PSMA2: variants seen among roughly 807,000 people sequenced by gnomAD.
PSMA2 encodes proteasome subunit alpha type-2.
In PSMA2, 2 loss-of-function variants were observed where a neutral mutation model predicts 35.9. The observed-to-expected ratio is 0.06, with a 90% confidence interval of 0.02 to 0.18. PSMA2 has a LOEUF of 0.18. Ranked by LOEUF, PSMA2 falls within the 10% of genes least tolerant of loss-of-function variation. The pLI is 1.00. For synonymous variants in PSMA2, 97 were observed against 98.2 expected (o/e 0.99, Z 0.07); for missense variants, 126 against 278.8 (o/e 0.45, Z 3.90).
At position 42,926,731 on chromosome 7, in the gene PSMA2, T is replaced by G. The variant is rs373431469; in HGVS notation, c.119-63A>C. On this transcript the variant is annotated intron_variant, in intron 2 of 7. Coordinates refer to ENST00000223321, the MANE Select transcript of PSMA2 (RefSeq NM_002787.5). ...TTTTAAGACTGTTTTAACAGCTTTC[T>G]AATTATGGATGCGCTAAACGCAAAC... The G allele has an allele frequency of 1.9e-4, 285 of 1,478,242 alleles. No individual in the cohort carries two copies. The African/African-American group carries it at 3.6e-3, about 19-fold the overall frequency. The allele number at this position is 1,478,242 out of a possible 1,614,324, so 91.6% of individuals were successfully genotyped here.
At position 42,923,412 on chromosome 7, in the gene PSMA2, G is replaced by T; in HGVS notation, c.375-6C>A. 1 of 1,608,806 alleles carries T rather than the reference G, an allele frequency of 6.2e-7. No individual in the cohort carries two copies. The stretch of plus-strand genomic sequence containing the variant: ...CTCCAAATGGACGAACACCACTGCA[G>T]GGAGGAAAATGAAAATTACTTGGCA... On this transcript the variant is annotated splice_polypyrimidine_tract_variant and splice_region_variant and intron_variant, in intron 4 of 7. Coordinates refer to ENST00000223321, the MANE Select transcript of PSMA2 (RefSeq NM_002787.5).
At chr7:42,929,111 T>C (rs980329924) in intron 1 of PSMA2, among the ~76,000 whole-genome samples, 1 of 152,168 alleles carries the variant, frequency 6.6e-6, no homozygotes, top group African/African-American at 2.4e-5. Context: ...ATAAAGTAGC[T>C]ATGTTCAGTC....
Position 42,924,417 on chromosome 7 carries a change from G to C in PSMA2, c.374+258C>G, listed in dbSNP as rs182237306. ...GTTGCAATGATTGTCTGTCCATAAA[G>C]TGTTTTAATCACTGGCAAAAGAACT... On this transcript the variant is annotated intron_variant, in intron 4 of 7. Coordinates refer to ENST00000223321, the MANE Select transcript of PSMA2 (RefSeq NM_002787.5). Among the ~76,000 whole-genome samples, 557 of 145,996 alleles carry C rather than the reference G, an allele frequency of 3.8e-3. 7 individuals are homozygous for C. Among genetic ancestry groups the C allele is most frequent in the Non-Finnish European group, 6.5e-3 (431 of 66,628 alleles).
intron 2 of PSMA2, 49 bp downstream of exon 2, chr7:42,927,334 T>C: frequency 6.7e-7 from 1 of 1,487,500 alleles, no homozygotes; most frequent in Non-Finnish European, 9.4e-7. Flanking sequence ...TCCAAAATAA[T>C]TAGGATAACT....
At chr7:42,919,653 C>T in intron 6 of PSMA2, 1 of 569,516 alleles carries the variant, frequency 1.8e-6, no homozygotes, top group South Asian at 1.6e-5. Flanking sequence ...TAACTTATGG[C>T]TGATCCAGTG....
At chr7:42,919,219 C>T (rs537511803) in intron 6 of PSMA2, 57 of 611,406 alleles carry the variant, frequency 9.3e-5, no homozygotes, top group African/African-American at 9.3e-4. Context: ...AATTTTGGGT[C>T]ATAAAGATGC....
At chr7:42,922,572 T>C (rs1262503924) in intron 5 of PSMA2, among the ~76,000 whole-genome samples, 2 of 152,208 alleles carry the variant, frequency 1.3e-5, no homozygotes, top group Non-Finnish European at 1.5e-5. Context: ...GCCTGTCATT[T>C]AGCTTTGGAA....
chr7:42,924,806 G>GA lies in PSMA2; in HGVS notation c.252-10dup. Reference sequence around the variant, plus strand: ...CTCTGTGCACAAGCACTCTAACAAGGAAAAAATAAGATTTAATTACACAGA... The same window carrying GA: ...CTCTGTGCACAAGCACTCTAACAAGGAAAAAAATAAGATTTAATTACACAGA... On this transcript the variant is annotated splice_polypyrimidine_tract_variant and intron_variant, in intron 3 of 7. Coordinates refer to ENST00000223321, the MANE Select transcript of PSMA2 (RefSeq NM_002787.5). The GA allele has an allele frequency of 6.2e-7, 1 of 1,602,054 alleles. No individual in the cohort carries two copies. The highest frequency in any genetic ancestry group is 8.5e-7 in the Non-Finnish European group (1 of 1,174,434).
intron 6 of PSMA2, chr7:42,918,665 C>G (rs1786071095): frequency 6.5e-6 from 1 of 152,974 alleles, no homozygotes; most frequent in Non-Finnish European, 1.5e-5. Context: ...TGGAGGAACC[C>G]CGGGCGCTGT....
Position 42,928,844 on chromosome 7 carries a change from C to T in PSMA2, c.42-1385G>A, listed in dbSNP as rs183065736. On this transcript the variant is annotated intron_variant, in intron 1 of 7. Transcript: ENST00000223321. ...CATCTGAAATGCATTTCTCTATTGCCCTGTGAACTCCTTTCATTCAATCAT... is the reference window on the plus strand; with the variant it reads ...CATCTGAAATGCATTTCTCTATTGCTCTGTGAACTCCTTTCATTCAATCAT... Among the ~76,000 whole-genome samples, 6 of 152,244 alleles carry T rather than the reference C, an allele frequency of 3.9e-5. 1 individual carries two copies. The highest frequency in any genetic ancestry group is 1.4e-4 in the African/African-American group (6 of 41,546).
intron 4 of PSMA2, among the ~76,000 whole-genome samples, chr7:42,923,628 A>G (rs1786160340): frequency 6.6e-6 from 1 of 152,258 alleles, no homozygotes; most frequent in Admixed American, 6.5e-5. Flanking sequence ...TTTGAATTGA[A>G]CAGTGTTACC....
rs953455653 is a variant in PSMA2, at chr7:42,917,103, T to G, written c.*471A>C. 1.3e-5 allele frequency: 2 copies of G among 158,024 alleles called. No individual in the cohort carries two copies. Among genetic ancestry groups the G allele is most frequent in the Non-Finnish European group, 2.8e-5 (2 of 71,982 alleles). 9.8% of individuals were successfully genotyped at this position (158,024 alleles called of 1,614,324 possible). A position where few individuals can be genotyped will look rare whatever the true frequency, so the allele number is the denominator to read the frequency against. On this transcript the variant is annotated 3_prime_UTR_variant, in exon 8 of 8. Coordinates refer to ENST00000223321, the MANE Select transcript of PSMA2 (RefSeq NM_002787.5). ...CTCATAGAGCACCCTAGGATTTCACTGATCAATACCTAATGGCACCTAAAA... is the reference window on the plus strand; with the variant it reads ...CTCATAGAGCACCCTAGGATTTCACGGATCAATACCTAATGGCACCTAAAA...
At chr7:42,922,021 G>T in intron 5 of PSMA2, 90 bp from the exon 6 acceptor site, 1 of 976,484 alleles carries the variant, frequency 1.0e-6, no homozygotes, top group Non-Finnish European at 1.6e-6. Context: ...TTTATTAATT[G>T]TTCTCTAACT....
At chr7:42,931,312 T>A (rs1323908225) in intron 1 of PSMA2, among the ~76,000 whole-genome samples, 1 of 152,196 alleles carries the variant, frequency 6.6e-6, no homozygotes, top group Non-Finnish European at 1.5e-5. Context: ...AGAAAATGGG[T>A]AAGTCAGAAA....
chr7:42,917,553 G>C lies in PSMA2; in HGVS notation c.*21C>G. ...AGTAGATAGATTATCTGAAATTCTG[G>C]ATTTTTCAGTCACTTCATTGTTATG... On this transcript the variant is annotated 3_prime_UTR_variant, in exon 8 of 8. Coordinates refer to ENST00000223321, the MANE Select transcript of PSMA2 (RefSeq NM_002787.5). 1 of 1,564,740 alleles carries C rather than the reference G, an allele frequency of 6.4e-7. No homozygotes were observed. The highest frequency in any genetic ancestry group is 1.4e-5 in the African/African-American group (1 of 73,932).
At chr7:42,930,231 A>ACG (rs1562703638) in intron 1 of PSMA2, among the ~76,000 whole-genome samples, 3 of 4,908 alleles carry the variant, frequency 6.1e-4, no homozygotes, top group East Asian at 0.011. Flanking sequence ...ACACGCACAC[A>ACG]CACACACACA....
chr7:42,921,758 T>C lies in PSMA2; in HGVS notation c.530+100A>G, dbSNP rs1174576348. 7 of 944,044 alleles carry C rather than the reference T, an allele frequency of 7.4e-6. No individual in the cohort carries two copies. The South Asian group carries it at 8.1e-5, about 11-fold the overall frequency. 58.5% of individuals were successfully genotyped at this position (944,044 alleles called of 1,614,324 possible). ...AACTAGATTCATATACAGAGTAATA[T>C]AGCAAGTTTCTTTAGTCCCATGATA... On this transcript the variant is annotated intron_variant, in intron 6 of 7. Transcript: ENST00000223321.
chr7:42,926,049 G>T (rs1460553068), intron 3 of PSMA2, among the ~76,000 whole-genome samples: 1 of 152,160 alleles, frequency 6.6e-6, no homozygotes, highest in African/African-American at 2.4e-5. Context: ...TTGGGATCCT[G>T]GTTGGCTGCC....
chr7:42,923,814 C>A (rs1786163618), intron 4 of PSMA2, among the ~76,000 whole-genome samples: 1 of 152,154 alleles, frequency 6.6e-6, no homozygotes, highest in African/African-American at 2.4e-5. Context: ...ATTACTGCAG[C>A]TTTTCCACTA....
Sources: gnomAD v4.1 joint callset for allele counts (sites outside exome capture counted in the v4.1 genomes callset) on GRCh38, gnomAD v4.1.1 for gene constraint, MANE v1.5 for transcripts, NCBI Gene and HGNC (gene_info 2026-07-23, HGNC 2026-07-21) for gene names.